Variants in PLEKHA5 observed in about 807,000 individuals in gnomAD.
PLEKHA5 encodes the protein pleckstrin homology domain-containing family A member 5.
A neutral mutation model predicts 181.9 loss-of-function variants in PLEKHA5; 55 were observed. The ratio of observed to expected loss-of-function variants is 0.30; its 90% CI spans 0.24 to 0.38. The LOEUF is 0.38. Among genes scored for constraint, PLEKHA5 ranks in the 10% least tolerant of loss-of-function variants. The pLI is 1.00. For missense variants in PLEKHA5, 1,432 were observed against 1,549.5 expected (o/e 0.92, Z 1.27); for synonymous variants, 535 against 529.4 (o/e 1.01, Z -0.15).
In PLEKHA5 at chr12:19,365,011, T is replaced by G. The variant is rs139490572; in HGVS notation, c.3609-953T>G. Among the ~76,000 whole-genome samples, 1,024 of 152,204 alleles carry G rather than the reference T, an allele frequency of 6.7e-3. 10 individuals are homozygous for G. Among genetic ancestry groups the G allele is most frequent in the African/African-American group, 0.023 (970 of 41,548 alleles). ...AAGAAACAATCTGTTAATGCAATAG[T>G]TCATGACACCCACCTAATGAAGTGC... On this transcript the variant is annotated intron_variant, in intron 29 of 31. Transcript: ENST00000429027.
chr12:19,194,561 A>C (rs2052160399), intron 3 of PLEKHA5, among the ~76,000 whole-genome samples: 1 of 152,198 alleles, frequency 6.6e-6, no homozygotes, highest in African/African-American at 2.4e-5. Context: ...CATCCCTACC[A>C]AGTGATTTTT....
chr12:19,149,006 C>A (rs572289602), intron 3 of PLEKHA5, among the ~76,000 whole-genome samples: 13 of 152,184 alleles, frequency 8.5e-5, no homozygotes, highest in African/African-American at 3.1e-4. Flanking sequence ...AAGTAAAGTC[C>A]TTTGGGGTTG....
intron 3 of PLEKHA5, among the ~76,000 whole-genome samples, chr12:19,161,896 T>G (rs2043054475): frequency 6.6e-6 from 1 of 152,206 alleles, no homozygotes; most frequent in African/African-American, 2.4e-5. Flanking sequence ...ACTGCGAATA[T>G]TCTTTCCTTC....
At chr12:19,266,644 T>C (rs1210761113) in intron 8 of PLEKHA5, among the ~76,000 whole-genome samples, 1 of 151,400 alleles carries the variant, frequency 6.6e-6, no homozygotes, top group African/African-American at 2.4e-5. Flanking sequence ...ATTAGCCAGG[T>C]GTGGTGGTGT....
At position 19,283,776 on chromosome 12, in the gene PLEKHA5, A is replaced by T. The variant is rs781052270; in HGVS notation, c.1779+31A>T. On this transcript the variant is annotated intron_variant, in intron 12 of 31. Transcript: ENST00000429027. ...ATAGCTGCTGATTTTGTGTTAACTC[A>T]CTACCTTATAAATGCTGTGTTTTCT... The T allele has an allele frequency of 3.0e-6, 4 of 1,350,682 alleles. No individual in the cohort carries two copies. The African/African-American group carries it at 5.7e-5, about 19-fold the overall frequency. The allele number at this position is 1,350,682 out of a possible 1,614,324, so 83.7% of individuals were successfully genotyped here.
intron 3 of PLEKHA5, 105 bp from the exon 4 acceptor site, chr12:19,253,835 A>G: frequency 1.3e-6 from 1 of 791,168 alleles, no homozygotes; most frequent in Non-Finnish European, 2.1e-6. Context: ...ACAAAAAAAA[A>G]GGCTGGAAGT....
At chr12:19,230,846 G>A (rs1264026517) in intron 3 of PLEKHA5, among the ~76,000 whole-genome samples, 7 of 152,186 alleles carry the variant, frequency 4.6e-5, no homozygotes, top group African/African-American at 7.2e-5. Flanking sequence ...CACGGCCAGA[G>A]TGGGCGCCGA....
intron 5 of PLEKHA5, among the ~76,000 whole-genome samples, chr12:19,256,888 C>A (rs563165841): frequency 1.3e-5 from 2 of 152,110 alleles, no homozygotes; most frequent in Admixed American, 6.5e-5. Flanking sequence ...AGTTTAAGTT[C>A]AGAGTTGTCC....
intron 20 of PLEKHA5, among the ~76,000 whole-genome samples, chr12:19,334,334 G>T (rs948462744): frequency 6.6e-6 from 1 of 152,142 alleles, no homozygotes; most frequent in Non-Finnish European, 1.5e-5. Context: ...AAAGTATACT[G>T]TGCCTCTTCA....
Position 19,132,389 on chromosome 12 carries a change from T to G in PLEKHA5, c.170-4T>G. Reference sequence around the variant, plus strand: ...TACTAATTGTAATATATGTATTGTTTTAGATTTGCCTACTGGCTGGGAAGA... The same window carrying G: ...TACTAATTGTAATATATGTATTGTTGTAGATTTGCCTACTGGCTGGGAAGA... On this transcript the variant is annotated splice_region_variant and splice_polypyrimidine_tract_variant and intron_variant, in intron 2 of 31. Transcript: ENST00000429027. 1 of 1,451,594 alleles carries G rather than the reference T, an allele frequency of 6.9e-7. No homozygotes were observed. Among genetic ancestry groups the G allele is most frequent in the Non-Finnish European group, 9.6e-7 (1 of 1,040,796 alleles). The allele number at this position is 1,451,594 out of a possible 1,614,324, so 89.9% of individuals were successfully genotyped here. A position where few individuals can be genotyped will look rare whatever the true frequency, so the allele number is the denominator to read the frequency against.
chr12:19,285,218 A>G (rs2152811427), intron 12 of PLEKHA5, among the ~76,000 whole-genome samples: 1 of 152,350 alleles, frequency 6.6e-6, no homozygotes, highest in Admixed American at 6.5e-5. Context: ...TAGTAACAAT[A>G]TATAAGAAAA....
intron 29 of PLEKHA5, among the ~76,000 whole-genome samples, chr12:19,362,577 C>T (rs921423225): frequency 1.3e-5 from 2 of 151,910 alleles, no homozygotes; most frequent in African/African-American, 4.8e-5. Flanking sequence ...CAGCACTTTA[C>T]ACTGTGCTTA....
intron 3 of PLEKHA5, chr12:19,153,667 G>C (rs527716602): frequency 6.6e-6 from 1 of 152,188 alleles, no homozygotes; most frequent in African/African-American, 2.4e-5. Flanking sequence ...TGTTCATTGA[G>C]TTTTGACAAA....
chr12:19,237,185 T>G (rs2061534837), intron 3 of PLEKHA5, among the ~76,000 whole-genome samples: 1 of 152,226 alleles, frequency 6.6e-6, no homozygotes, highest in East Asian at 1.9e-4. Context: ...ATTTACATAC[T>G]ATAAATATTT....
At chr12:19,326,833 C>A (rs1048279807) in intron 20 of PLEKHA5, among the ~76,000 whole-genome samples, 3 of 152,154 alleles carry the variant, frequency 2.0e-5, no homozygotes, top group Non-Finnish European at 4.4e-5. Flanking sequence ...GTTTTCTTTT[C>A]CTGCATTAAT....
At chr12:19,290,239 T>C (rs1273808277) in intron 13 of PLEKHA5, among the ~76,000 whole-genome samples, 1 of 152,214 alleles carries the variant, frequency 6.6e-6, no homozygotes, top group Non-Finnish European at 1.5e-5. Context: ...ACTACATTTA[T>C]TTTAATTATT....
At chr12:19,252,240 T>A (rs554298924) in intron 3 of PLEKHA5, among the ~76,000 whole-genome samples, 1 of 152,282 alleles carries the variant, frequency 6.6e-6, no homozygotes, top group Admixed American at 6.5e-5. Context: ...CATATGAAAT[T>A]TACCTGGAAG....
chr12:19,142,565 T>A (rs1419058117), intron 3 of PLEKHA5, among the ~76,000 whole-genome samples: 1 of 152,212 alleles, frequency 6.6e-6, no homozygotes, highest in Non-Finnish European at 1.5e-5. Context: ...ATCAATTCTG[T>A]TCTATCACAA....
intron 3 of PLEKHA5, among the ~76,000 whole-genome samples, chr12:19,163,869 A>G (rs1042685387): frequency 5.3e-5 from 8 of 152,178 alleles, no homozygotes; most frequent in Admixed American, 5.2e-4. Context: ...CTCAATAGAG[A>G]AAAGTTGGCT....
Sources: allele counts gnomAD v4.1 joint callset (sites outside exome capture counted in the v4.1 genomes callset), GRCh38; gene constraint gnomAD v4.1.1; transcripts MANE v1.5; gene names NCBI Gene and HGNC (gene_info 2026-07-23, HGNC 2026-07-21).